The following ATP8A2 variants were observed in gnomAD, a reference collection of about 807,000 sequenced individuals.
ATP8A2 encodes phospholipid-transporting ATPase IB.
A neutral mutation model predicts 165.6 loss-of-function variants in ATP8A2; 100 were observed. That is an observed-to-expected ratio of 0.60 (90% CI 0.51 to 0.71). ATP8A2 has a LOEUF of 0.71. ATP8A2 is among the 30% of genes least tolerant of loss of function. The pLI, the probability that ATP8A2 is intolerant of heterozygous loss-of-function variation, is 0.00. For synonymous variants in ATP8A2, 543 were observed against 548.8 expected, an observed-to-expected ratio of 0.99 and a Z score of 0.15; for missense variants, 1,227 against 1,479.5, an observed-to-expected ratio of 0.83 and a Z score of 2.80.
At chr13:25,542,384 A>AT (rs61662955) in intron 9 of ATP8A2, among the ~76,000 whole-genome samples, 9,348 of 135,116 alleles carry the variant, frequency 0.069, 589 homozygotes, top group African/African-American at 0.17. Flanking sequence ...GTGTATGTGT[A>AT]TTTTTTTTTT....
intron 24 of ATP8A2, among the ~76,000 whole-genome samples, chr13:25,651,241 G>A (rs1313346714): frequency 2.6e-5 from 4 of 152,034 alleles, no homozygotes; most frequent in Admixed American, 6.6e-5. Context: ...TCAAGAGATC[G>A]AGACCATCCT....
At chr13:25,692,205 C>CT (rs1443107158) in intron 24 of ATP8A2, among the ~76,000 whole-genome samples, 3 of 152,218 alleles carry the variant, frequency 2.0e-5, no homozygotes, top group African/African-American at 7.2e-5. Flanking sequence ...TTATCATTAG[C>CT]TACTCACTAG....
chr13:25,761,331 A>AATC (rs1208987249), intron 25 of ATP8A2, among the ~76,000 whole-genome samples: 3 of 152,180 alleles, frequency 2.0e-5, no homozygotes, highest in African/African-American at 7.2e-5. Context: ...ATAATGAGAT[A>AATC]TACGTTTGTC....
intron 28 of ATP8A2, among the ~76,000 whole-genome samples, chr13:25,831,708 C>G (rs1364980910): frequency 6.6e-6 from 1 of 151,296 alleles, no homozygotes; most frequent in Non-Finnish European, 1.5e-5. Context: ...CTGGGCGTGA[C>G]GGTGTGCACC....
intron 33 of ATP8A2, among the ~76,000 whole-genome samples, chr13:25,957,560 A>G (rs1387435286): frequency 6.6e-6 from 1 of 152,248 alleles, no homozygotes; most frequent in Non-Finnish European, 1.5e-5. Flanking sequence ...CAAAACCACC[A>G]TGAGATACCA....
intron 35 of ATP8A2, among the ~76,000 whole-genome samples, chr13:25,990,744 C>T (rs1483069041): frequency 2.0e-5 from 3 of 152,184 alleles, no homozygotes; most frequent in Non-Finnish European, 4.4e-5. Flanking sequence ...TAACTTAGAG[C>T]TTCACTGCTA....
At chr13:25,439,121 G>A (rs1593309237) in intron 1 of ATP8A2, among the ~76,000 whole-genome samples, 1 of 152,310 alleles carries the variant, frequency 6.6e-6, no homozygotes, top group Non-Finnish European at 1.5e-5. Flanking sequence ...GTGATACAGG[G>A]CCACATCCCC....
At chr13:25,970,271 A>G (rs1185777380) in intron 35 of ATP8A2, among the ~76,000 whole-genome samples, 1 of 152,218 alleles carries the variant, frequency 6.6e-6, no homozygotes, top group Non-Finnish European at 1.5e-5. Flanking sequence ...ACGACATCAC[A>G]TATAATGTGG....
intron 2 of ATP8A2, among the ~76,000 whole-genome samples, chr13:25,520,775 G>GTA (rs199805502): frequency 5.3e-5 from 8 of 149,762 alleles, no homozygotes; most frequent in Non-Finnish European, 8.9e-5. Context: ...CTAATTTTTT[G>GTA]TATATATATA....
intron 35 of ATP8A2, among the ~76,000 whole-genome samples, chr13:25,974,054 A>AT (rs888874267): frequency 8.6e-5 from 13 of 152,020 alleles, no homozygotes; most frequent in Non-Finnish European, 8.8e-5. Context: ...TTCCAGCTGC[A>AT]TTTTTTTTCC....
intron 35 of ATP8A2, among the ~76,000 whole-genome samples, chr13:25,977,097 C>T (rs183216907): frequency 6.7e-6 from 1 of 148,970 alleles, no homozygotes; most frequent in Non-Finnish European, 1.5e-5. Context: ...CATGAACCAC[C>T]GTGCCCAGCC....
chr13:25,651,106 C>A (rs924126801), intron 24 of ATP8A2, among the ~76,000 whole-genome samples: 1 of 152,008 alleles, frequency 6.6e-6, no homozygotes, highest in Admixed American at 6.6e-5. Flanking sequence ...TTGAAATTTT[C>A]TTTGTGAGAA....
At chr13:25,876,339 C>T (rs1308131585) in intron 33 of ATP8A2, among the ~76,000 whole-genome samples, 1 of 152,104 alleles carries the variant, frequency 6.6e-6, no homozygotes, top group Admixed American at 6.5e-5. Flanking sequence ...CCCAGCACAG[C>T]ATCTTAATTA....
intron 24 of ATP8A2, among the ~76,000 whole-genome samples, chr13:25,611,904 G>A (rs2040698186): frequency 6.6e-6 from 1 of 151,914 alleles, no homozygotes; most frequent in Admixed American, 6.5e-5. Context: ...TCTCCTCTAA[G>A]TTTTCCAGTT....
intron 33 of ATP8A2, among the ~76,000 whole-genome samples, chr13:25,898,199 A>T (rs141730201): frequency 0.013 from 1,973 of 151,818 alleles, 40 homozygotes; most frequent in African/African-American, 0.045. Context: ...TACAGATGGG[A>T]TTTTGGTGTG....
chr13:25,902,338 G>A (rs571996702), intron 33 of ATP8A2, among the ~76,000 whole-genome samples: 1 of 152,168 alleles, frequency 6.6e-6, no homozygotes, highest in South Asian at 2.1e-4. Context: ...CCAAAGCCTT[G>A]GGAAACACTG....
chr13:25,500,483 T>C (rs758751566), intron 2 of ATP8A2, among the ~76,000 whole-genome samples: 3 of 152,330 alleles, frequency 2.0e-5, no homozygotes, highest in East Asian at 1.9e-4. Flanking sequence ...CATAATATTG[T>C]GTGGAGTGCT....
rs9553650 is a variant in ATP8A2 at position 25,726,299 on chromosome 13, C to T, written c.2384+26954C>T. ...TGTCAGGTGTCCCTGTAACTAAAGG[C>T]GCAAAAGTGTGAAAAGAATGGCAAG... On this transcript the variant is annotated intron_variant, in intron 25 of 36. Transcript: ENST00000381655. 8.0e-4 allele frequency among the ~76,000 whole-genome samples: 122 copies of T among 152,200 alleles called. 2 individuals carry two copies. In the East Asian group the frequency reaches 0.02, roughly 26 times the overall value.
At chr13:25,430,289 A>T (rs2034571608) in intron 1 of ATP8A2, among the ~76,000 whole-genome samples, 1 of 151,860 alleles carries the variant, frequency 6.6e-6, no homozygotes, top group Non-Finnish European at 1.5e-5. Context: ...CGTCTCCGGT[A>T]AGGGATGGAC....
Sources: allele counts gnomAD v4.1 joint callset (sites outside exome capture counted in the v4.1 genomes callset), GRCh38; gene constraint gnomAD v4.1.1; transcripts MANE v1.5; gene names NCBI Gene and HGNC (gene_info 2026-07-23, HGNC 2026-07-21).